The following SPECC1L variants were observed in gnomAD, a reference collection of about 807,000 sequenced individuals.
SPECC1L encodes the protein sperm antigen with calponin homology and coiled-coil domains 1 like, also known as cytospin-A.
A neutral mutation model predicts 116.8 loss-of-function variants in SPECC1L; 40 were observed. The ratio of observed to expected loss-of-function variants is 0.34; its 90% CI spans 0.27 to 0.45. SPECC1L has a LOEUF of 0.45. Among genes scored for constraint, SPECC1L ranks in the 20% least tolerant of loss-of-function variants. The pLI is 1.00. For synonymous variants in SPECC1L, 504 were observed against 500.6 expected (o/e 1.01, Z -0.09); for missense variants, 1,110 against 1,373.6 (o/e 0.81, Z 3.03).
chr22:24,338,969 A>G (rs2041118045), intron 10 of SPECC1L, among the ~76,000 whole-genome samples: 1 of 152,234 alleles, frequency 6.6e-6, no homozygotes, highest in South Asian at 2.1e-4. Flanking sequence ...TGTGGTTGCC[A>G]TGTCTCAGCC....
At chr22:24,344,939 TGTA>T (rs2041259790) in intron 10 of SPECC1L, among the ~76,000 whole-genome samples, 1 of 152,236 alleles carries the variant, frequency 6.6e-6, no homozygotes, top group Non-Finnish European at 1.5e-5. Flanking sequence ...ATTAATATCT[TGTA>T]GTAGTCTTTT....
chr22:24,369,246 T>C lies in SPECC1L; in HGVS notation c.3013T>C (p.Leu1005=), dbSNP rs182627733. ...REERKDPLSA[L]AREYGGSKRN... ...AGAAAGGAAAGACCCTCTCTCAGCATTGGCCAGAGAATATGGAGGATCAAA... is the reference window on the plus strand; with the variant it reads ...AGAAAGGAAAGACCCTCTCTCAGCACTGGCCAGAGAATATGGAGGATCAAA... The change falls in exon 14 of 17, where the codon TTG becomes CTG. Residue 1005 remains leucine (L), a synonymous_variant. Transcript: ENST00000314328. The C allele has an allele frequency of 1.2e-4, 198 of 1,613,956 alleles. 1 individual carries two copies. In the East Asian group the frequency reaches 3.8e-3, roughly 31 times the overall value.
At chr22:24,349,935 T>TC (rs1245772088) in intron 11 of SPECC1L, among the ~76,000 whole-genome samples, 3 of 152,040 alleles carry the variant, frequency 2.0e-5, no homozygotes, top group East Asian at 3.8e-4. Context: ...CCTCTACATC[T>TC]CCCCATTTCT....
chr22:24,359,454 C>T (rs987102380), intron 11 of SPECC1L, among the ~76,000 whole-genome samples: 14 of 152,192 alleles, frequency 9.2e-5, no homozygotes, highest in African/African-American at 3.4e-4. Flanking sequence ...TAATCCTCCT[C>T]ACCTTTCTTA....
At chr22:24,402,438 C>T (rs1458637822) in intron 14 of SPECC1L, among the ~76,000 whole-genome samples, 1 of 152,022 alleles carries the variant, frequency 6.6e-6, no homozygotes, top group Non-Finnish European at 1.5e-5. Flanking sequence ...AGAAAAGGAA[C>T]CTCACTCACC....
At chr22:24,403,815 C>T (rs1216590567) in intron 14 of SPECC1L, among the ~76,000 whole-genome samples, 2 of 152,218 alleles carry the variant, frequency 1.3e-5, no homozygotes, top group South Asian at 4.1e-4. Flanking sequence ...TAATTTCATG[C>T]TTTTCTGGCT....
At chr22:24,355,222 G>C (rs2146594383) in intron 11 of SPECC1L, among the ~76,000 whole-genome samples, 1 of 142,206 alleles carries the variant, frequency 7.0e-6, no homozygotes, top group African/African-American at 2.6e-5. Flanking sequence ...GGCAGAGGTT[G>C]CAATGAGCCA....
At chr22:24,329,450 C>T (rs1200641215) in intron 7 of SPECC1L, among the ~76,000 whole-genome samples, 1 of 152,214 alleles carries the variant, frequency 6.6e-6, no homozygotes, top group African/African-American at 2.4e-5. Flanking sequence ...TACAAGTTTT[C>T]TTCATTTTGT....
chr22:24,363,457 C>A, intron 12 of SPECC1L, 113 bp downstream of exon 12: 2 of 908,566 alleles, frequency 2.2e-6, no homozygotes, highest in Non-Finnish European at 3.5e-6. Context: ...CTCTCACTGG[C>A]CTCAAGCTGT....
chr22:24,343,803 T>A (rs1347627292), intron 10 of SPECC1L, among the ~76,000 whole-genome samples: 4 of 146,372 alleles, frequency 2.7e-5, no homozygotes, highest in African/African-American at 7.5e-5. Flanking sequence ...TCTGTGTATT[T>A]AAAAAAAAAA....
intron 14 of SPECC1L, among the ~76,000 whole-genome samples, chr22:24,387,607 A>G (rs1232916098): frequency 6.6e-6 from 1 of 152,136 alleles, no homozygotes; most frequent in Admixed American, 6.6e-5. Flanking sequence ...TTTATGTCAC[A>G]TGTTTCTGAT....
chr22:24,297,106 T>C (rs1021927530), intron 2 of SPECC1L, among the ~76,000 whole-genome samples: 1 of 150,186 alleles, frequency 6.7e-6, no homozygotes, highest in African/African-American at 2.5e-5. Context: ...CGGCTAATTT[T>C]TGTATTTTTA....
chr22:24,355,143 C>T (rs2041503879), intron 11 of SPECC1L, among the ~76,000 whole-genome samples: 4 of 151,436 alleles, frequency 2.6e-5, no homozygotes, highest in African/African-American at 7.3e-5. Context: ...ATTAGCTGAG[C>T]GTGGTGGTGT....
chr22:24,281,671 C>A (rs745994217), intron 2 of SPECC1L, among the ~76,000 whole-genome samples: 1 of 152,128 alleles, frequency 6.6e-6, no homozygotes, highest in Non-Finnish European at 1.5e-5. Flanking sequence ...TAATGTAATT[C>A]GTTTTCAAAG....
chr22:24,330,141 C>A (rs1240788230), intron 7 of SPECC1L, 115 bp from the exon 8 acceptor site: 2 of 1,023,368 alleles, frequency 2.0e-6, no homozygotes, highest in African/African-American at 1.6e-5. Context: ...AAAAATTAAT[C>A]ATCATTTGGA....
rs550883605 is a variant in SPECC1L at position 24,379,067 on chromosome 22, A to G, written c.3087+9747A>G. The stretch of plus-strand genomic sequence containing the variant: ...TTCTTCCATGCTGTTAGGTGTCTTC[A>G]TATAACCTAAGTTTTAAATTTTGCT... On this transcript the variant is annotated intron_variant, in intron 14 of 16. Coordinates refer to ENST00000314328, the MANE Select transcript of SPECC1L (RefSeq NM_015330.6). Among the ~76,000 whole-genome samples, 12 of 152,124 alleles carry G rather than the reference A, an allele frequency of 7.9e-5. No homozygotes were observed. In the South Asian group the frequency reaches 2.5e-3, roughly 32 times the overall value.
intron 2 of SPECC1L, 134 bp from the exon 3 acceptor site, chr22:24,302,058 AAAT>A: frequency 2.9e-6 from 2 of 700,260 alleles, no homozygotes; most frequent in African/African-American, 1.8e-5. Context: ...AAAAAAAAAA[AAAT>A]TTTTTTTCAA....
chr22:24,393,174 G>T (rs1223514795), intron 14 of SPECC1L, among the ~76,000 whole-genome samples: 1 of 152,216 alleles, frequency 6.6e-6, no homozygotes, highest in East Asian at 1.9e-4. Flanking sequence ...CAGAAATACT[G>T]CTGTGGTCAT....
intron 11 of SPECC1L, among the ~76,000 whole-genome samples, chr22:24,347,947 A>G (rs543911936): frequency 4.6e-5 from 7 of 152,264 alleles, no homozygotes; most frequent in African/African-American, 1.7e-4. Context: ...AAGTGATGTG[A>G]TTATAGGCGC....
Sources: allele counts gnomAD v4.1 joint callset (sites outside exome capture counted in the v4.1 genomes callset), GRCh38; gene constraint gnomAD v4.1.1; transcripts MANE v1.5; gene names NCBI Gene and HGNC (gene_info 2026-07-23, HGNC 2026-07-21).